Variants in KRABD5 observed in about 807,000 individuals in gnomAD.
KRABD5 encodes the protein KRAB domain containing 5.
At chr16:31,719,337 T>C in the KRABD5 span, among the ~76,000 whole-genome samples, 2 of 152,234 alleles carry the variant, frequency 1.3e-5, no homozygotes, top group Non-Finnish European at 2.9e-5. Flanking sequence ...TGCTTTTTAA[T>C]ATAATTTTCC....
chr16:31,721,145 A>G, the KRABD5 span, among the ~76,000 whole-genome samples: 1 of 152,236 alleles, frequency 6.6e-6, no homozygotes, highest in East Asian at 1.9e-4. Flanking sequence ...AGTTTATGTC[A>G]TTGAATGTGT....
the KRABD5 span, among the ~76,000 whole-genome samples, chr16:31,729,322 AAATT>A: frequency 8.6e-4 from 131 of 152,364 alleles, no homozygotes; most frequent in African/African-American, 2.9e-3. Context: ...TAAGGAATAC[AAATT>A]AATTTAGCCT....
the KRABD5 span, among the ~76,000 whole-genome samples, chr16:31,721,706 A>C: frequency 6.6e-6 from 1 of 152,204 alleles, no homozygotes; most frequent in African/African-American, 2.4e-5. Context: ...TATTCTTGCT[A>C]TTATGTTATA....
the KRABD5 span, among the ~76,000 whole-genome samples, chr16:31,720,622 A>G: frequency 6.6e-6 from 1 of 152,178 alleles, no homozygotes; most frequent in Non-Finnish European, 1.5e-5. Flanking sequence ...CCCCACTAAT[A>G]TACAACGATT....
At chr16:31,751,537 C>A in the KRABD5 span, among the ~76,000 whole-genome samples, 1 of 152,100 alleles carries the variant, frequency 6.6e-6, no homozygotes, top group African/African-American at 2.4e-5. Context: ...AGGAATTTAT[C>A]CATTTCCTCT....
the KRABD5 span, chr16:31,759,436 GA>G: frequency 6.5e-7 from 1 of 1,527,910 alleles, no homozygotes; most frequent in Admixed American, 2.0e-5. Context: ...TGAATTTTCT[GA>G]GGGTGATGAA....
At chr16:31,754,362 A>G in the KRABD5 span, 2 of 612,206 alleles carry the variant, frequency 3.3e-6, no homozygotes, top group Non-Finnish European at 5.8e-6. Flanking sequence ...CAAGGAATAG[A>G]TAATTTGGGA....
At chr16:31,758,946 A>T in the KRABD5 span, 1 of 155,834 alleles carries the variant, frequency 6.4e-6, no homozygotes, top group African/African-American at 2.4e-5. Context: ...AACACATGGA[A>T]TAAGAAGATA....
the KRABD5 span, among the ~76,000 whole-genome samples, chr16:31,738,594 A>G: frequency 5.3e-5 from 8 of 152,146 alleles, no homozygotes; most frequent in Non-Finnish European, 1.2e-4. Flanking sequence ...GGTTTTCCCT[A>G]GAAAGCATGG....
chr16:31,714,583 G>A, the KRABD5 span, among the ~76,000 whole-genome samples: 1 of 152,208 alleles, frequency 6.6e-6, no homozygotes, highest in Non-Finnish European at 1.5e-5. Flanking sequence ...GAGAGAGCCT[G>A]CGAATTGAGA....
chr16:31,743,780 T>C, the KRABD5 span, among the ~76,000 whole-genome samples: 2 of 152,180 alleles, frequency 1.3e-5, no homozygotes, highest in Non-Finnish European at 2.9e-5. Context: ...CATTTGCTTG[T>C]GTCCTCTCTT....
the KRABD5 span, among the ~76,000 whole-genome samples, chr16:31,742,485 A>G: frequency 2.0e-5 from 3 of 152,202 alleles, no homozygotes. Context: ...TGCAAAGGAC[A>G]TGATCTCATT....
At chr16:31,744,484 G>A in the KRABD5 span, among the ~76,000 whole-genome samples, 4 of 152,098 alleles carry the variant, frequency 2.6e-5, no homozygotes, top group Non-Finnish European at 5.9e-5. Context: ...CAACTTGATC[G>A]TGGTGGATAA....
the KRABD5 span, among the ~76,000 whole-genome samples, chr16:31,729,713 T>C: frequency 6.6e-6 from 1 of 152,206 alleles, no homozygotes; most frequent in Admixed American, 6.5e-5. Context: ...TTTGTTTCTT[T>C]TTTCCTCTTA....
chr16:31,757,697 A>G, the KRABD5 span: 2 of 152,176 alleles, frequency 1.3e-5, no homozygotes, highest in Non-Finnish European at 2.9e-5. Flanking sequence ...GCTGTTTCTC[A>G]GTGTAGTTCA....
At chr16:31,731,342 C>T in the KRABD5 span, among the ~76,000 whole-genome samples, 8 of 139,210 alleles carry the variant, frequency 5.7e-5, no homozygotes, top group South Asian at 2.3e-4. Flanking sequence ...TCATGGATCC[C>T]GTCTCTTCTC....
chr16:31,726,674 T>G, the KRABD5 span, among the ~76,000 whole-genome samples: 3 of 152,132 alleles, frequency 2.0e-5, no homozygotes, highest in Non-Finnish European at 2.9e-5. Context: ...GGCAAGAGAA[T>G]TGCTTGAACC....
the KRABD5 span, among the ~76,000 whole-genome samples, chr16:31,718,862 G>T: frequency 6.6e-6 from 1 of 152,198 alleles, no homozygotes; most frequent in Non-Finnish European, 1.5e-5. Context: ...GTGATGTCCT[G>T]TGCAGACTGA....
chr16:31,718,823 C>G, the KRABD5 span, among the ~76,000 whole-genome samples: 3 of 152,188 alleles, frequency 2.0e-5, no homozygotes, highest in Non-Finnish European at 4.4e-5. Flanking sequence ...AACTCCCTCA[C>G]CAGCACCTTG....
Sources: allele counts gnomAD v4.1 joint callset (sites outside exome capture counted in the v4.1 genomes callset), GRCh38; gene constraint gnomAD v4.1.1; transcripts MANE v1.5; gene names NCBI Gene and HGNC (gene_info 2026-07-23, HGNC 2026-07-21).